The following KCNC4 variants were observed in gnomAD, a reference collection of about 807,000 sequenced individuals.
KCNC4 encodes potassium voltage-gated channel subfamily C member 4, also known as voltage-gated potassium channel KCNC4.
A neutral mutation model predicts 42.8 loss-of-function variants in KCNC4; 23 were observed. The ratio of observed to expected loss-of-function variants is 0.54; its 90% CI spans 0.39 to 0.76. KCNC4 has a LOEUF of 0.76. KCNC4 is among the 30% of genes least tolerant of loss of function. The probability of loss-of-function intolerance (pLI) is 0.00; values close to 1 mark genes in which losing one functional copy is unlikely to be tolerated. For synonymous variants in KCNC4, 422 were observed against 393.5 expected (o/e 1.07, Z -0.86); for missense variants, 751 against 898.2 (o/e 0.84, Z 2.10).
chr1:110,234,665 A>G (rs2101046952), downstream of KCNC4: 1 of 152,314 alleles, frequency 6.6e-6, no homozygotes, highest in East Asian at 1.9e-4. Flanking sequence ...AGCCACTCAG[A>G]AGGGCCCCAT....
chr1:110,245,711 TCTC>T (rs1015802001), exon 4 of KCNC4: 17 of 152,156 alleles, frequency 1.1e-4, no homozygotes, highest in African/African-American at 4.1e-4. Context: ...TCCCAAAATC[TCTC>T]CTCCACACTG....
At chr1:110,263,249 C>T (rs945426318) in intron 1 of KCNC4, among the ~76,000 whole-genome samples, 10 of 152,092 alleles carry the variant, frequency 6.6e-5, no homozygotes, top group African/African-American at 9.7e-5. Context: ...GTAAGAGATA[C>T]GGTAATAACA....
rs747241926 is a variant in KCNC4 at position 110,232,894 on chromosome 1, G to A, written c.1820-17G>A. 1.1e-5 allele frequency: 18 copies of A among 1,607,628 alleles called. No individual in the cohort carries two copies. The highest frequency in any genetic ancestry group is 4.0e-5 in the African/African-American group (3 of 74,726). ...GCGTGCGTCCCAGTGTCTCACACCT[G>A]TGCTCTTTAAACACAGAGACCTGCC... On this transcript the variant is annotated splice_polypyrimidine_tract_variant and intron_variant, in intron 3 of 3. Transcript: ENST00000438661.
rs1658381828 is a variant in KCNC4, at chr1:110,226,170, T to C, written c.1811T>C (p.Val604Ala). The change falls in exon 3 of 4, where the codon GTC (valine) becomes GCC (alanine). Residue 604 changes from valine to alanine, a missense_variant. By Grantham distance (64) the Val-to-Ala change is moderately conservative. This residue lies in a region of KCNC4 where 202 missense variants were observed against 181.5 expected (regional missense o/e 1.11). Transcript: ENST00000438661. ...TGDYACADGS[V>A]RKETCQDALS... is the part of the protein sequence containing the mutation. ...GACTATGCCTGCGCCGATGGTAGTG[T>C]CCGGAAAGGTATGGCTTCCCAAGCT... is the stretch of plus-strand genomic sequence containing the variant. 5 of 1,614,028 alleles carry C rather than the reference T, an allele frequency of 3.1e-6. No individual in the cohort carries two copies. The highest frequency in any genetic ancestry group is 4.2e-6 in the Non-Finnish European group (5 of 1,179,970).
At chr1:110,231,652 G>A (rs188987244) in intron 3 of KCNC4, among the ~76,000 whole-genome samples, 1 of 152,286 alleles carries the variant, frequency 6.6e-6, no homozygotes, top group Non-Finnish European at 1.5e-5. Context: ...AGTGGCAGGT[G>A]TTGCTTAAGT....
At chr1:110,222,668 AGGTG>A (rs1658162882) in intron 1 of KCNC4, 3 of 375,542 alleles carry the variant, frequency 8.0e-6, no homozygotes, top group Non-Finnish European at 1.5e-5. Flanking sequence ...AATGGGTCAG[AGGTG>A]GGCAGAGCTA....
intron 3 of KCNC4, among the ~76,000 whole-genome samples, chr1:110,231,175 G>A (rs1421881555): frequency 5.9e-5 from 9 of 152,200 alleles, no homozygotes; most frequent in African/African-American, 4.8e-5. Flanking sequence ...AGAACCAGAA[G>A]GAAGGGCACT....
intron 3 of KCNC4, among the ~76,000 whole-genome samples, chr1:110,230,739 A>G (rs1658652598): frequency 6.6e-6 from 1 of 152,198 alleles, no homozygotes; most frequent in Admixed American, 6.5e-5. Context: ...TGGGAGAGAT[A>G]GAACCCAGAT....
At chr1:110,260,240 G>A (rs1659401030) in intron 1 of KCNC4, among the ~76,000 whole-genome samples, 1 of 152,140 alleles carries the variant, frequency 6.6e-6, no homozygotes, top group Non-Finnish European at 1.5e-5. Context: ...AAACCATTTA[G>A]GGCATAAGGG....
At chr1:110,280,862 A>C (rs1659807695) in intron 1 of KCNC4, among the ~76,000 whole-genome samples, 1 of 152,062 alleles carries the variant, frequency 6.6e-6, no homozygotes, top group South Asian at 2.1e-4. Context: ...TGCTATTCCC[A>C]GTGGAAATTC....
At chr1:110,231,460 T>A (rs1658687860) in intron 3 of KCNC4, among the ~76,000 whole-genome samples, 1 of 152,072 alleles carries the variant, frequency 6.6e-6, no homozygotes, top group South Asian at 2.1e-4. Context: ...ATTATCTCAG[T>A]ATGGGCTGCT....
intron 1 of KCNC4, chr1:110,221,983 C>T (rs540088477): frequency 3.3e-5 from 5 of 152,344 alleles, no homozygotes; most frequent in South Asian, 4.2e-4. Context: ...GTTCCTCTGC[C>T]GAGTGCTGCT....
At chr1:110,222,630 A>C (rs1658161384) in intron 1 of KCNC4, 1 of 266,644 alleles carries the variant, frequency 3.8e-6, no homozygotes, top group South Asian at 7.1e-5. Context: ...CAAGATTCCC[A>C]TTGCAGCTTG....
At chr1:110,269,819 G>T (rs1659608219) in intron 1 of KCNC4, among the ~76,000 whole-genome samples, 1 of 152,098 alleles carries the variant, frequency 6.6e-6, no homozygotes, top group African/African-American at 2.4e-5. Context: ...GTGTGTGACA[G>T]ATCCAGTTAT....
chr1:110,271,754 G>A, intron 1 of KCNC4, among the ~76,000 whole-genome samples: 1 of 152,062 alleles, frequency 6.6e-6, no homozygotes, highest in East Asian at 1.9e-4. Context: ...TGCAGGGTGG[G>A]GAAGAAGGGG....
exon 4 of KCNC4, chr1:110,245,244 A>G (rs1415970106): frequency 6.6e-6 from 1 of 152,230 alleles, no homozygotes; most frequent in Non-Finnish European, 1.5e-5. Flanking sequence ...GAACCTGTAT[A>G]TGGTATTTGG....
chr1:110,265,007 G>A (rs1659512392), intron 1 of KCNC4, among the ~76,000 whole-genome samples: 1 of 151,706 alleles, frequency 6.6e-6, no homozygotes, highest in South Asian at 2.1e-4. Flanking sequence ...CTTGAACCCG[G>A]GAGGCGGAGG....
chr1:110,271,167 G>C (rs1163152808), intron 1 of KCNC4, among the ~76,000 whole-genome samples: 1 of 152,232 alleles, frequency 6.6e-6, no homozygotes, highest in African/African-American at 2.4e-5. Flanking sequence ...AGAGAAAAGA[G>C]AGGTTAAACC....
At chr1:110,226,293 T>G in intron 3 of KCNC4, 115 bp downstream of exon 3, 1 of 782,632 alleles carries the variant, frequency 1.3e-6, no homozygotes, top group South Asian at 1.5e-5. Context: ...CCATCTCCTC[T>G]GCCTTGGATG....
Sources: allele counts gnomAD v4.1 joint callset (sites outside exome capture counted in the v4.1 genomes callset), GRCh38; gene constraint gnomAD v4.1.1; regional missense constraint gnomAD v4.1.1; transcripts MANE v1.5; gene names NCBI Gene and HGNC (gene_info 2026-07-23, HGNC 2026-07-21).